Variants in GRXCR1 observed in about 807,000 individuals in gnomAD.
GRXCR1 encodes the protein glutaredoxin domain-containing cysteine-rich protein 1.
GRXCR1 carries 27 observed loss-of-function variants against 27.3 expected under a neutral mutation model. That is an observed-to-expected ratio of 0.99 (90% CI 0.73 to 1.37). The LOEUF (loss-of-function observed/expected upper bound fraction) is 1.37, where lower values mean the gene tolerates loss of function less well. GRXCR1 is among the 40% of genes most tolerant of loss of function. GRXCR1 has a pLI of 0.00. For missense variants in GRXCR1, 379 were observed against 354.4 expected, an observed-to-expected ratio of 1.07 and a Z score of -0.56; for synonymous variants, 122 against 131.1, an observed-to-expected ratio of 0.93 and a Z score of 0.47.
At chr4:42,923,602 A>G (rs930979440) in intron 1 of GRXCR1, among the ~76,000 whole-genome samples, 2 of 152,086 alleles carry the variant, frequency 1.3e-5, no homozygotes, top group Non-Finnish European at 2.9e-5. Context: ...GTCCTGGGCC[A>G]CATCCAAGTT....
intron 1 of GRXCR1, among the ~76,000 whole-genome samples, chr4:42,899,877 T>A (rs747670968): frequency 8.4e-4 from 128 of 152,160 alleles, no homozygotes; most frequent in Admixed American, 1.6e-3. Context: ...ATCCTATGAA[T>A]CTGTCTGAAT....
chr4:43,029,671 A>C (rs1327130011), intron 3 of GRXCR1, among the ~76,000 whole-genome samples: 1 of 152,216 alleles, frequency 6.6e-6, no homozygotes, highest in African/African-American at 2.4e-5. Context: ...GTTGATAGCT[A>C]CTGTGGGAAG....
chr4:42,978,493 T>C (rs1283016895), intron 2 of GRXCR1, among the ~76,000 whole-genome samples: 1 of 152,074 alleles, frequency 6.6e-6, no homozygotes, highest in Non-Finnish European at 1.5e-5. Context: ...GATTGTTCTA[T>C]GATTTTCAGT....
At chr4:43,027,136 A>T (rs1306652873) in intron 3 of GRXCR1, among the ~76,000 whole-genome samples, 1 of 152,206 alleles carries the variant, frequency 6.6e-6, no homozygotes, top group Non-Finnish European at 1.5e-5. Context: ...TTTCAATAGG[A>T]ATTTATTAAT....
At chr4:43,019,645 G>A (rs79477201) in intron 2 of GRXCR1, among the ~76,000 whole-genome samples, 1,681 of 152,270 alleles carry the variant, frequency 0.011, 24 homozygotes, top group Middle Eastern at 0.031. Context: ...GGAGTAGTTC[G>A]AAGAAACACA....
intron 2 of GRXCR1, among the ~76,000 whole-genome samples, chr4:43,006,198 TG>T (rs1450071158): frequency 2.0e-5 from 3 of 152,184 alleles, no homozygotes; most frequent in Non-Finnish European, 4.4e-5. Flanking sequence ...CTCAGGACCC[TG>T]TAATAATTGC....
intron 1 of GRXCR1, among the ~76,000 whole-genome samples, chr4:42,943,772 G>T (rs2109764343): frequency 6.6e-6 from 1 of 152,124 alleles, no homozygotes; most frequent in East Asian, 1.9e-4. Flanking sequence ...TGGCTCTCAA[G>T]TGGGTAAATT....
chr4:42,932,615 TATATAGAGAG>T (rs1209481794), intron 1 of GRXCR1, among the ~76,000 whole-genome samples: 19 of 33,902 alleles, frequency 5.6e-4, no homozygotes, highest in South Asian at 1.5e-3. Flanking sequence ...TATATATATA[TATATAGAGAG>T]AGAGAGAGAG....
intron 1 of GRXCR1, among the ~76,000 whole-genome samples, chr4:42,940,077 A>C (rs756779039): frequency 3.3e-5 from 5 of 151,550 alleles, no homozygotes; most frequent in Non-Finnish European, 5.9e-5. Context: ...TGATTATTCT[A>C]TTTCTGCTCC....
At chr4:42,987,261 A>AATATATAATATATATATATAAT (rs1711795451) in intron 2 of GRXCR1, among the ~76,000 whole-genome samples, 2 of 97,270 alleles carry the variant, frequency 2.1e-5, no homozygotes, top group Non-Finnish European at 4.3e-5. Flanking sequence ...ATATATATAT[A>AATATATAATATATATATATAAT]ATATATATAT....
At chr4:42,977,017 T>G (rs1202428092) in intron 2 of GRXCR1, among the ~76,000 whole-genome samples, 2 of 152,030 alleles carry the variant, frequency 1.3e-5, no homozygotes, top group Non-Finnish European at 2.9e-5. Context: ...ACTCTCTACT[T>G]TTATAAGTTC....
At chr4:42,972,868 A>T (rs969301607) in intron 2 of GRXCR1, among the ~76,000 whole-genome samples, 1 of 152,116 alleles carries the variant, frequency 6.6e-6, no homozygotes, top group African/African-American at 2.4e-5. Context: ...CTTTAGCAGC[A>T]TATTTACATG....
intron 2 of GRXCR1, among the ~76,000 whole-genome samples, chr4:43,003,574 A>G (rs1427881596): frequency 6.6e-6 from 1 of 152,192 alleles, no homozygotes; most frequent in African/African-American, 2.4e-5. Flanking sequence ...TCAGATGGAG[A>G]TGAGAAACTT....
rs547107677 is a variant in GRXCR1, at chr4:42,969,020, T to C, written c.627+5886T>C. On this transcript the variant is annotated intron_variant, in intron 2 of 3. Coordinates refer to ENST00000399770, the MANE Select transcript of GRXCR1 (RefSeq NM_001080476.3). ...TCTTCAAGCTGTATGTGTTTCTCAT[T>C]AGTTATTTTCATGTAGTCAATGATT... is the stretch of plus-strand genomic sequence containing the variant. 2.6e-5 allele frequency among the ~76,000 whole-genome samples: 4 copies of C among 152,250 alleles called. No homozygotes were observed. In the East Asian group the frequency reaches 7.7e-4, roughly 29 times the overall value.
At chr4:42,967,721 A>G (rs887141513) in intron 2 of GRXCR1, among the ~76,000 whole-genome samples, 1 of 152,052 alleles carries the variant, frequency 6.6e-6, no homozygotes, top group Admixed American at 6.6e-5. Flanking sequence ...ATAATTTTTT[A>G]TACCTATACA....
intron 2 of GRXCR1, among the ~76,000 whole-genome samples, chr4:42,968,041 C>T (rs1186282553): frequency 6.6e-6 from 1 of 152,132 alleles, no homozygotes; most frequent in African/African-American, 2.4e-5. Context: ...CTGATCAGCA[C>T]TCTGCTGAGC....
chr4:42,927,522 G>C (rs1239771974), intron 1 of GRXCR1, among the ~76,000 whole-genome samples: 1 of 151,878 alleles, frequency 6.6e-6, no homozygotes, highest in African/African-American at 2.4e-5. Context: ...TTTTCACTAG[G>C]CATCTTAAAG....
At chr4:42,921,158 C>T (rs1460645598) in intron 1 of GRXCR1, among the ~76,000 whole-genome samples, 1 of 151,988 alleles carries the variant, frequency 6.6e-6, no homozygotes, top group Non-Finnish European at 1.5e-5. Context: ...GATTTGTTCT[C>T]TTATAATATA....
intron 2 of GRXCR1, among the ~76,000 whole-genome samples, chr4:42,994,109 C>A (rs1577936480): frequency 6.6e-6 from 1 of 151,994 alleles, no homozygotes; most frequent in South Asian, 2.1e-4. Flanking sequence ...AAAGATGGTT[C>A]TTTATAGAGG....
Sources: gnomAD v4.1 joint callset for allele counts (sites outside exome capture counted in the v4.1 genomes callset) on GRCh38, gnomAD v4.1.1 for gene constraint, MANE v1.5 for transcripts, NCBI Gene and HGNC (gene_info 2026-07-23, HGNC 2026-07-21) for gene names.